Variants in SLC44A5 observed in about 807,000 individuals in gnomAD.
The protein encoded by SLC44A5 is solute carrier family 44 member 5.
A neutral mutation model predicts 101.8 loss-of-function variants in SLC44A5; 57 were observed. That is an observed-to-expected ratio of 0.56 (90% CI 0.45 to 0.70). The LOEUF is 0.70. Ranked by LOEUF, SLC44A5 falls within the 30% of genes least tolerant of loss-of-function variation. SLC44A5 has a pLI of 0.00. For missense variants in SLC44A5, 737 were observed against 853.1 expected (o/e 0.86, Z 1.70); for synonymous variants, 281 against 290.9 (o/e 0.97, Z 0.35).
intron 3 of SLC44A5, among the ~76,000 whole-genome samples, chr1:75,396,172 C>T (rs751940815): frequency 1.3e-5 from 2 of 152,020 alleles, no homozygotes; most frequent in Admixed American, 6.6e-5. Context: ...AGGAGAGAGC[C>T]GGCTGTCGGA....
At chr1:75,476,319 G>C (rs1002223143) in intron 2 of SLC44A5, among the ~76,000 whole-genome samples, 3 of 152,208 alleles carry the variant, frequency 2.0e-5, no homozygotes, top group African/African-American at 7.2e-5. Flanking sequence ...CCCAGCGTGA[G>C]TGACGCAGAA....
chr1:75,580,968 A>C (rs924400685), intron 1 of SLC44A5, among the ~76,000 whole-genome samples: 3 of 152,216 alleles, frequency 2.0e-5, no homozygotes, highest in African/African-American at 7.2e-5. Context: ...CCTGTGGAGA[A>C]GAAAGATACT....
chr1:75,223,085 C>T (rs1647122852), intron 13 of SLC44A5, among the ~76,000 whole-genome samples: 1 of 152,172 alleles, frequency 6.6e-6, no homozygotes, highest in Admixed American at 6.5e-5. Context: ...GAAGGTTATA[C>T]AAACTGCGTC....
chr1:75,657,993 GCATAATACA>G, the SLC44A5 span, among the ~76,000 whole-genome samples: 3 of 152,108 alleles, frequency 2.0e-5, no homozygotes, highest in Admixed American at 2.0e-4. Context: ...GCAAACTGTT[GCATAATACA>G]CATAATACAC....
chr1:75,496,432 C>G (rs907829411), intron 2 of SLC44A5, among the ~76,000 whole-genome samples: 9 of 151,950 alleles, frequency 5.9e-5, no homozygotes, highest in Non-Finnish European at 1.3e-4. Context: ...GAATTGGACC[C>G]TTATCTTACA....
At chr1:75,396,657 T>C (rs1485184002) in intron 2 of SLC44A5, 36 bp from the exon 3 acceptor site, 1 of 1,548,630 alleles carries the variant, frequency 6.5e-7, no homozygotes, top group African/African-American at 1.4e-5. Flanking sequence ...AAAATATTTG[T>C]AGGGGCTGAT....
intron 3 of SLC44A5, among the ~76,000 whole-genome samples, chr1:75,376,475 C>T (rs1296303080): frequency 4.2e-4 from 64 of 152,260 alleles, no homozygotes; most frequent in Middle Eastern, 3.4e-3. Flanking sequence ...TCTCCCAGCA[C>T]GCAGCTGGAG....
intron 16 of SLC44A5, 55 bp downstream of exon 16, chr1:75,219,202 A>T: frequency 8.3e-7 from 1 of 1,205,512 alleles, no homozygotes; most frequent in Non-Finnish European, 1.2e-6. Context: ...TACAAAATGA[A>T]TTGCAGCAGA....
chr1:75,507,123 T>A (rs1411629667), intron 2 of SLC44A5, among the ~76,000 whole-genome samples: 1 of 151,934 alleles, frequency 6.6e-6, no homozygotes, highest in East Asian at 1.9e-4. Flanking sequence ...GTCTGATAGT[T>A]CCTATTCTTA....
At chr1:75,659,855 A>T in the SLC44A5 span, among the ~76,000 whole-genome samples, 1 of 152,182 alleles carries the variant, frequency 6.6e-6, no homozygotes, top group Non-Finnish European at 1.5e-5. Context: ...GTAATAATAC[A>T]TTAAAAGAAT....
chr1:75,289,922 G>A (rs1653396007), intron 5 of SLC44A5, among the ~76,000 whole-genome samples: 1 of 152,184 alleles, frequency 6.6e-6, no homozygotes, highest in African/African-American at 2.4e-5. Flanking sequence ...AACTACAAGG[G>A]TTGACCTCTA....
chr1:75,565,219 A>G (rs1023932785), intron 1 of SLC44A5, among the ~76,000 whole-genome samples: 2 of 152,182 alleles, frequency 1.3e-5, no homozygotes, highest in East Asian at 1.9e-4. Flanking sequence ...ATCTATTTTC[A>G]TCGGAATATT....
chr1:75,582,075 G>T, intron 1 of SLC44A5: 4 of 704,910 alleles, frequency 5.7e-6, no homozygotes, highest in East Asian at 2.7e-5. Context: ...CGCTTCAGGA[G>T]CCACGGGTTA....
chr1:75,590,624 A>G (rs540938063), intron 1 of SLC44A5, among the ~76,000 whole-genome samples: 1 of 152,276 alleles, frequency 6.6e-6, no homozygotes. Context: ...AAGCTGACTT[A>G]AGAGTCCGTG....
chr1:75,722,694 CTCT>C, the SLC44A5 span, among the ~76,000 whole-genome samples: 178 of 152,286 alleles, frequency 1.2e-3, no homozygotes, highest in African/African-American at 4.0e-3. Context: ...GCAGGGAGCT[CTCT>C]TCTTCTTCCC....
chr1:75,364,474 A>G (rs555579338), intron 3 of SLC44A5, among the ~76,000 whole-genome samples: 7 of 152,298 alleles, frequency 4.6e-5, no homozygotes, highest in Non-Finnish European at 8.8e-5. Context: ...AAGAGGGATG[A>G]TGCTAAACCA....
chr1:75,223,318 C>T (rs552964464), intron 13 of SLC44A5, among the ~76,000 whole-genome samples: 11 of 152,136 alleles, frequency 7.2e-5, no homozygotes, highest in South Asian at 2.1e-4. Flanking sequence ...AGCCTGTTCC[C>T]GTTTTCTTTT....
intron 22 of SLC44A5, among the ~76,000 whole-genome samples, chr1:75,211,767 C>A (rs1646858413): frequency 6.6e-6 from 1 of 151,472 alleles, no homozygotes; most frequent in East Asian, 1.9e-4. Flanking sequence ...CTTTTTTTTC[C>A]CTTTTTTGGG....
chr1:75,682,588 T>A, the SLC44A5 span, among the ~76,000 whole-genome samples: 1 of 151,882 alleles, frequency 6.6e-6, no homozygotes, highest in Non-Finnish European at 1.5e-5. Flanking sequence ...TCCTTACACC[T>A]TATACAAAAA....
Sources: allele counts gnomAD v4.1 joint callset (sites outside exome capture counted in the v4.1 genomes callset), GRCh38; gene constraint gnomAD v4.1.1; transcripts MANE v1.5; gene names NCBI Gene and HGNC (gene_info 2026-07-23, HGNC 2026-07-21).